The following ALX4 variants were observed in gnomAD, a reference collection of about 807,000 sequenced individuals.
The protein encoded by ALX4 is ALX homeobox 4.
In ALX4, 22 loss-of-function variants were observed where a neutral mutation model predicts 40.6. The observed-to-expected ratio is 0.54, with a 90% CI of 0.39 to 0.77. The LOEUF (loss-of-function observed/expected upper bound fraction) is 0.77. Ranked by LOEUF, ALX4 falls within the 30% of genes least tolerant of loss-of-function variation. The pLI, the probability that ALX4 is intolerant of heterozygous loss-of-function variation, is 0.00. For missense variants in ALX4, 556 were observed against 564.8 expected (o/e 0.98, Z 0.16); for synonymous variants, 266 against 240.5 (o/e 1.11, Z -0.98).
chr11:44,300,477 T>A (rs1294570206), intron 1 of ALX4, among the ~76,000 whole-genome samples: 1 of 152,154 alleles, frequency 6.6e-6, no homozygotes, highest in Non-Finnish European at 1.5e-5. Context: ...GAGGCTCACA[T>A]ATCCAGGAGG....
rs1956495376 is a variant in ALX4, at chr11:44,309,742, C to T, written c.321G>A (p.Pro107=). 3 of 1,534,916 alleles carry T rather than the reference C, an allele frequency of 2.0e-6. No homozygotes were observed. Among genetic ancestry groups the T allele is most frequent in the African/African-American group, 1.7e-5 (1 of 60,416 alleles). ...PQPQPPPQPQ[P]QQQQPQPQPP... ...GCTGGGGCTGCGGCTGCTGCTGCTGCGGCTGCGGCTGCGGCGGCGGCTGGG... is the reference window on the plus strand; with the variant it reads ...GCTGGGGCTGCGGCTGCTGCTGCTGTGGCTGCGGCTGCGGCGGCGGCTGGG... Residue 107 remains proline, a synonymous_variant, in exon 1 of 4, where the codon CCG becomes CCA. Coordinates refer to ENST00000652299, the MANE Select transcript of ALX4 (RefSeq NM_021926.4).
At chr11:44,309,180 TCGCAGCCCCGCAGCCC>T (rs71035685) in intron 1 of ALX4, among the ~76,000 whole-genome samples, 4 of 138,742 alleles carry the variant, frequency 2.9e-5, no homozygotes, top group African/African-American at 7.9e-5. Context: ...CCCCGCAGCC[TCGCAGCCCCGCAGCCC>T]CGCAGCCCCG....
At chr11:44,302,303 T>A (rs1956439357) in intron 1 of ALX4, among the ~76,000 whole-genome samples, 1 of 152,160 alleles carries the variant, frequency 6.6e-6, no homozygotes. Flanking sequence ...AACACTCAGA[T>A]AGCAGGACGT....
intron 1 of ALX4, among the ~76,000 whole-genome samples, chr11:44,306,627 C>T (rs1377765273): frequency 2.0e-5 from 3 of 152,270 alleles, no homozygotes; most frequent in Non-Finnish European, 4.4e-5. Context: ...ACCAAGGCCG[C>T]CCCTGCCTCC....
At chr11:44,276,841 A>G (rs1312041316) in intron 1 of ALX4, among the ~76,000 whole-genome samples, 1 of 152,134 alleles carries the variant, frequency 6.6e-6, no homozygotes, top group African/African-American at 2.4e-5. Context: ...CGCCTCTGTG[A>G]GAATCTAATG....
At chr11:44,290,724 T>C (rs1273793031) in intron 1 of ALX4, among the ~76,000 whole-genome samples, 3 of 152,228 alleles carry the variant, frequency 2.0e-5, no homozygotes, top group Non-Finnish European at 2.9e-5. Flanking sequence ...CCAAGCCACC[T>C]TGTGGTTCTG....
intron 1 of ALX4, among the ~76,000 whole-genome samples, chr11:44,294,828 CTATTTATT>C (rs60988016): frequency 0.49 from 72,908 of 148,098 alleles, 18,345 homozygotes; most frequent in Admixed American, 0.56. Context: ...AGATCCTTAC[CTATTTATT>C]TATTTATTTA....
chr11:44,278,413 C>T (rs1031954250), intron 1 of ALX4, among the ~76,000 whole-genome samples: 9 of 152,172 alleles, frequency 5.9e-5, no homozygotes, highest in Non-Finnish European at 1.0e-4. Flanking sequence ...AACCCAGGGG[C>T]CTCATATGAC....
chr11:44,282,568 A>T (rs1438100732), intron 1 of ALX4, among the ~76,000 whole-genome samples: 1 of 152,196 alleles, frequency 6.6e-6, no homozygotes, highest in Non-Finnish European at 1.5e-5. Flanking sequence ...CGAAATGGAG[A>T]CACCCCCAAG....
chr11:44,268,679 CTT>C (rs1956227320), intron 2 of ALX4, among the ~76,000 whole-genome samples: 1 of 152,148 alleles, frequency 6.6e-6, no homozygotes, highest in African/African-American at 2.4e-5. Context: ...TGGCCCATGA[CTT>C]AGGATCTGGA....
intron 1 of ALX4, among the ~76,000 whole-genome samples, chr11:44,300,284 A>T (rs747924348): frequency 2.6e-5 from 4 of 152,156 alleles, no homozygotes; most frequent in Non-Finnish European, 5.9e-5. Context: ...AGGTTCAGAG[A>T]TGGGGAGGCT....
intron 1 of ALX4, among the ~76,000 whole-genome samples, chr11:44,285,098 G>A (rs146405959): frequency 6.6e-6 from 1 of 152,110 alleles, no homozygotes; most frequent in Non-Finnish European, 1.5e-5. Context: ...CTGAGTAGCT[G>A]GGATTACAGG....
intron 2 of ALX4, among the ~76,000 whole-genome samples, chr11:44,270,247 G>A (rs760547543): frequency 5.9e-5 from 9 of 152,266 alleles, no homozygotes; most frequent in South Asian, 4.2e-4. Flanking sequence ...ATGACCAGGC[G>A]GGGGAGAGGC....
intron 2 of ALX4, among the ~76,000 whole-genome samples, chr11:44,270,898 G>A (rs550573706): frequency 7.2e-5 from 11 of 152,302 alleles, no homozygotes; most frequent in Admixed American, 5.2e-4. Context: ...GGCCCAGGGC[G>A]GGGAGGCCTC....
rs772158840 is a variant in ALX4, at chr11:44,265,077, G to C, written c.1013C>G (p.Pro338Arg). Residue 338 changes from proline to arginine, a missense_variant, in exon 4 of 4, where the codon CCC (proline) becomes CGC (arginine). Transcript: ENST00000652299. Reference sequence around the variant, plus strand: ...GACGCTGCTGGCCCCAGAGCCAGGGGGGTGGGCATGAGGGGACATGCAGGC... The same window carrying C: ...GACGCTGCTGGCCCCAGAGCCAGGGCGGTGGGCATGAGGGGACATGCAGGC... ...VPACMSPHAH[P>R]PGSGASSVTD... is the part of the protein sequence containing the mutation. 1 of 1,612,986 alleles carries C rather than the reference G, an allele frequency of 6.2e-7. No homozygotes were observed. The highest frequency in any genetic ancestry group is 8.5e-7 in the Non-Finnish European group (1 of 1,179,932).
chr11:44,278,764 C>A (rs901283557), intron 1 of ALX4, among the ~76,000 whole-genome samples: 4 of 152,120 alleles, frequency 2.6e-5, no homozygotes, highest in Non-Finnish European at 4.4e-5. Context: ...ATAGGGAGAG[C>A]GGGGTAGTTG....
Position 44,310,072 on chromosome 11 carries a change from G to C in ALX4, c.-10C>G, listed in dbSNP as rs779702556. 31 of 1,574,174 alleles carry C rather than the reference G, an allele frequency of 2.0e-5. No individual in the cohort carries two copies. Among genetic ancestry groups the C allele is most frequent in the African/African-American group, 2.7e-5 (2 of 74,132 alleles). ...AAGTCTCAGCATTCATGCCTGGCTT[G>C]CGCAGGCGGCGGGCGGGGACGCGAG... On this transcript the variant is annotated 5_prime_UTR_variant, in exon 1 of 4. Transcript: ENST00000652299.
chr11:44,279,465 C>T (rs976001616), intron 1 of ALX4, among the ~76,000 whole-genome samples: 1 of 152,180 alleles, frequency 6.6e-6, no homozygotes, highest in Non-Finnish European at 1.5e-5. Context: ...GAGATGACCC[C>T]GGGCTGGCTG....
At chr11:44,270,631 C>T (rs1031505568) in intron 2 of ALX4, among the ~76,000 whole-genome samples, 1 of 152,128 alleles carries the variant, frequency 6.6e-6, no homozygotes, top group Non-Finnish European at 1.5e-5. Flanking sequence ...AGCTCCCTTC[C>T]AGATGCCACA....
Sources: allele counts gnomAD v4.1 joint callset (sites outside exome capture counted in the v4.1 genomes callset), GRCh38; gene constraint gnomAD v4.1.1; transcripts MANE v1.5; gene names NCBI Gene and HGNC (gene_info 2026-07-23, HGNC 2026-07-21).